Variants in LRRC69 observed in about 807,000 individuals in gnomAD.
The protein encoded by LRRC69 is leucine-rich repeat-containing protein 69.
In LRRC69, 42 loss-of-function variants were observed where a neutral mutation model predicts 37.8. The ratio of observed to expected loss-of-function variants is 1.11; its 90% CI spans 0.87 to 1.44. The LOEUF (loss-of-function observed/expected upper bound fraction) is 1.44. LRRC69 is among the 40% of genes most tolerant of loss of function. The pLI is 0.00. For synonymous variants in LRRC69, 141 were observed against 143.1 expected (o/e 0.99, Z 0.11); for missense variants, 357 against 401.9 (o/e 0.89, Z 0.96).
intron 5 of LRRC69, chr8:91,157,582 A>C: frequency 6.5e-7 from 1 of 1,541,316 alleles, no homozygotes; most frequent in South Asian, 1.1e-5. Flanking sequence ...CAGAATGTTT[A>C]CAACTGCACC....
chr8:91,149,670 T>A (rs1209198073), intron 5 of LRRC69, among the ~76,000 whole-genome samples: 1 of 152,006 alleles, frequency 6.6e-6, no homozygotes, highest in East Asian at 1.9e-4. Context: ...ATAAATTACC[T>A]TGGGCAGTAT....
intron 6 of LRRC69, among the ~76,000 whole-genome samples, chr8:91,191,355 CA>C (rs1809492937): frequency 6.6e-6 from 1 of 152,134 alleles, no homozygotes; most frequent in African/African-American, 2.4e-5. Flanking sequence ...TTTCATCAAT[CA>C]TTTCAGTATA....
chr8:91,135,804 A>G, intron 5 of LRRC69, 65 bp downstream of exon 5: 1 of 800,578 alleles, frequency 1.2e-6, no homozygotes, highest in Non-Finnish European at 1.8e-6. Flanking sequence ...GGAATAGAAA[A>G]AATATGGGCA....
chr8:91,138,918 T>C (rs1808473378), intron 5 of LRRC69: 1 of 151,682 alleles, frequency 6.6e-6, no homozygotes, highest in Admixed American at 6.6e-5. Context: ...CCAAAAAAAT[T>C]AGCTGGGTTT....
intron 6 of LRRC69, among the ~76,000 whole-genome samples, chr8:91,190,828 G>A (rs780625661): frequency 6.6e-5 from 10 of 152,160 alleles, no homozygotes; most frequent in Non-Finnish European, 1.2e-4. Context: ...GTCATGGCAG[G>A]ATGATTGCTT....
At chr8:91,143,834 G>A (rs1808571706) in intron 5 of LRRC69, among the ~76,000 whole-genome samples, 1 of 151,924 alleles carries the variant, frequency 6.6e-6, no homozygotes, top group Non-Finnish European at 1.5e-5. Context: ...CAAATCATTT[G>A]AATAGTGAGG....
At chr8:91,201,792 GACAA>G in intron 7 of LRRC69, among the ~76,000 whole-genome samples, 1 of 152,134 alleles carries the variant, frequency 6.6e-6, no homozygotes, top group Non-Finnish European at 1.5e-5. Context: ...TAGTGAAGGA[GACAA>G]ACAAATAAGT....
At position 91,122,670 on chromosome 8, in the gene LRRC69, T is replaced by G. The variant is rs967159492; in HGVS notation, c.184-1823T>G. 2.0e-5 allele frequency among the ~76,000 whole-genome samples: 3 copies of G among 152,068 alleles called. No homozygotes were observed. In the South Asian group the frequency reaches 6.2e-4, roughly 31 times the overall value. The stretch of plus-strand genomic sequence containing the variant: ...GGACCTTTCACAATGCCTGACACAT[T>G]CTTGCGTATCTCGCCAGTCCTCAGG... On this transcript the variant is annotated intron_variant, in intron 1 of 7. Transcript: ENST00000448384.
rs542456556 is a variant in LRRC69, at chr8:91,167,966, A to G, written c.652-21556A>G. The stretch of plus-strand genomic sequence containing the variant: ...AGTCTCAATTTCCTTATTTATTAAT[A>G]TATGTATTCGATATACATTTTCTGA... On this transcript the variant is annotated intron_variant, in intron 5 of 7. Transcript: ENST00000448384. 5.9e-5 allele frequency among the ~76,000 whole-genome samples: 9 copies of G among 152,114 alleles called. 1 individual carries two copies. The South Asian group carries it at 6.2e-4, about 11-fold the overall frequency.
At chr8:91,213,287 A>G (rs529949470) in intron 7 of LRRC69, among the ~76,000 whole-genome samples, 1 of 152,250 alleles carries the variant, frequency 6.6e-6, no homozygotes, top group East Asian at 1.9e-4. Context: ...GAATGACCAT[A>G]TAATGTGTCG....
intron 1 of LRRC69, among the ~76,000 whole-genome samples, chr8:91,108,684 A>G (rs1813361360): frequency 2.6e-5 from 4 of 152,132 alleles, no homozygotes; most frequent in Admixed American, 2.6e-4. Flanking sequence ...ATGTGGCCCA[A>G]CTCAAATTCA....
chr8:91,170,943 C>G (rs1363031256), intron 5 of LRRC69, among the ~76,000 whole-genome samples: 1 of 140,716 alleles, frequency 7.1e-6, no homozygotes, highest in Admixed American at 7.3e-5. Flanking sequence ...GCAAAAGAAA[C>G]TACCATCAGA....
At chr8:91,157,714 T>C (rs1808861344) in intron 5 of LRRC69, 1 of 1,603,306 alleles carries the variant, frequency 6.2e-7, no homozygotes, top group Non-Finnish European at 8.5e-7. Flanking sequence ...AAAAATATAC[T>C]GTGAACCAAT....
chr8:91,171,912 T>C (rs191504193), intron 5 of LRRC69, among the ~76,000 whole-genome samples: 108 of 151,736 alleles, frequency 7.1e-4, no homozygotes, highest in African/African-American at 2.5e-3. Context: ...AAAATGTGTA[T>C]GTGAGTGTGA....
chr8:91,218,359 A>AGAAC (rs377428922), intron 7 of LRRC69, among the ~76,000 whole-genome samples: 1 of 11,540 alleles, frequency 8.7e-5, no homozygotes, highest in Non-Finnish European at 1.9e-4. Flanking sequence ...TGTACAAATT[A>AGAAC]TTTTGAAGTA....
At chr8:91,161,878 G>A (rs1047749365) in intron 5 of LRRC69, among the ~76,000 whole-genome samples, 1 of 151,076 alleles carries the variant, frequency 6.6e-6, no homozygotes, top group Non-Finnish European at 1.5e-5. Flanking sequence ...TCTAATTTTT[G>A]TTGTAGGTGT....
At chr8:91,161,370 T>A (rs2130565444) in intron 5 of LRRC69, among the ~76,000 whole-genome samples, 1 of 151,408 alleles carries the variant, frequency 6.6e-6, no homozygotes, top group Non-Finnish European at 1.5e-5. Flanking sequence ...AAAGTGGATG[T>A]TAGTTTCTTA....
intron 1 of LRRC69, among the ~76,000 whole-genome samples, chr8:91,121,069 T>C (rs965119322): frequency 6.6e-6 from 1 of 151,948 alleles, no homozygotes; most frequent in Non-Finnish European, 1.5e-5. Context: ...TACTCATGAT[T>C]CTTCTATTTA....
At chr8:91,152,992 CCA>C (rs1808768018) in intron 5 of LRRC69, among the ~76,000 whole-genome samples, 1 of 151,080 alleles carries the variant, frequency 6.6e-6, no homozygotes, top group Non-Finnish European at 1.5e-5. Context: ...ATCTCATGTG[CCA>C]AGATACACAT....
Sources: allele counts gnomAD v4.1 joint callset (sites outside exome capture counted in the v4.1 genomes callset), GRCh38; gene constraint gnomAD v4.1.1; transcripts MANE v1.5; gene names NCBI Gene and HGNC (gene_info 2026-07-23, HGNC 2026-07-21).